Variants in KMT2C observed in about 807,000 individuals in gnomAD.
KMT2C encodes the protein histone-lysine N-methyltransferase 2C.
KMT2C carries 88 observed loss-of-function variants against 507.9 expected under a neutral mutation model. That is an observed-to-expected ratio of 0.17 (90% CI 0.15 to 0.21). The LOEUF is 0.21. KMT2C is among the 10% of genes least tolerant of loss of function. KMT2C has a pLI of 1.00. For missense variants in KMT2C, 4,954 were observed against 5,957.8 expected, an observed-to-expected ratio of 0.83 and a Z score of 5.55; for synonymous variants, 2,049 against 2,080.8, an observed-to-expected ratio of 0.98 and a Z score of 0.42.
chr7:152,195,998 GTCA>G lies in KMT2C; in HGVS notation c.4284_4286del (p.Asp1429del). On this transcript the variant is annotated inframe_deletion, in exon 28 of 59. Transcript: ENST00000262189. ...AAACTTCAGAAATATCAGCTAATGG[GTCA>G]TCAGCAGGACCTAAATATAGTAAAT... 6.3e-7 allele frequency: 1 copy of G among 1,587,210 alleles called. No individual in the cohort carries two copies. The highest frequency in any genetic ancestry group is 8.6e-7 in the Non-Finnish European group (1 of 1,159,378).
intron 6 of KMT2C, among the ~76,000 whole-genome samples, chr7:152,299,543 A>G (rs188965765): frequency 6.6e-6 from 1 of 151,862 alleles, no homozygotes; most frequent in African/African-American, 2.4e-5. Context: ...GGTCTCCACT[A>G]TTGGGAGGCT....
chr7:152,203,178 C>T, intron 25 of KMT2C, 114 bp from the exon 26 acceptor site: 1 of 751,508 alleles, frequency 1.3e-6, no homozygotes, highest in Admixed American at 3.4e-5. Flanking sequence ...AACAAACAAG[C>T]TTTTTGAACA....
intron 6 of KMT2C, among the ~76,000 whole-genome samples, chr7:152,288,916 G>A (rs865987861): frequency 2.6e-5 from 4 of 152,286 alleles, no homozygotes; most frequent in South Asian, 2.1e-4. Context: ...TGACAACAAA[G>A]AATTCTATAT....
chr7:152,295,748 CTTCT>C (rs1489654576), intron 6 of KMT2C, among the ~76,000 whole-genome samples: 1 of 152,136 alleles, frequency 6.6e-6, no homozygotes, highest in Non-Finnish European at 1.5e-5. Flanking sequence ...GCTGTCTCAA[CTTCT>C]TTATCAGTTA....
chr7:152,262,300 A>G (rs2095794187), intron 9 of KMT2C, among the ~76,000 whole-genome samples: 1 of 152,172 alleles, frequency 6.6e-6, no homozygotes. Context: ...AGCTCCAGGA[A>G]AAACCCGCTC....
At chr7:152,324,737 T>A (rs532132198) in intron 3 of KMT2C, among the ~76,000 whole-genome samples, 1 of 152,146 alleles carries the variant, frequency 6.6e-6, no homozygotes, top group South Asian at 2.1e-4. Context: ...TGTCTTAAAC[T>A]AGCTGTTCCA....
At chr7:152,329,941 C>T (rs1345555389) in intron 3 of KMT2C, among the ~76,000 whole-genome samples, 1 of 151,742 alleles carries the variant, frequency 6.6e-6, no homozygotes, top group African/African-American at 2.4e-5. Context: ...ATCAGGAGAT[C>T]GAGACCATCC....
At chr7:152,191,517 T>C (rs1401482951) in intron 31 of KMT2C, among the ~76,000 whole-genome samples, 1 of 152,240 alleles carries the variant, frequency 6.6e-6, no homozygotes, top group Non-Finnish European at 1.5e-5. Flanking sequence ...AACCTACTTT[T>C]TAACTTAGTC....
At chr7:152,324,947 C>A (rs1220738129) in intron 3 of KMT2C, among the ~76,000 whole-genome samples, 1 of 151,922 alleles carries the variant, frequency 6.6e-6, no homozygotes, top group Non-Finnish European at 1.5e-5. Context: ...ATGTTTATTG[C>A]AAGTAATCAA....
Position 152,199,306 on chromosome 7 carries a change from A to C in KMT2C, c.4246T>G (p.Ser1416Ala), listed in dbSNP as rs2094061247. Reference protein sequence around the residue: ...PSLDPLLSSSSAPTKSGTHGP... With the variant: ...PSLDPLLSSSAAPTKSGTHGP... ...TGAGTTCCAGATTTTGTTGGAGCCG[A>C]GGATGAACTAAGTAGTGGATCTAAG... The change falls in exon 27 of 59, where the codon TCG becomes GCG. Residue 1416 changes from serine (S) to alanine (A), a missense_variant. By Grantham distance (99) the Ser-to-Ala change is moderately conservative (BLOSUM62 1). Transcript: ENST00000262189. 3.1e-6 allele frequency: 5 copies of C among 1,598,056 alleles called. No homozygotes were observed.
rs376143446 is a variant in KMT2C, at chr7:152,227,761, C to T, written c.2976+2162G>A. Among the ~76,000 whole-genome samples, 55 of 152,276 alleles carry T rather than the reference C, an allele frequency of 3.6e-4. 1 individual carries two copies. The South Asian group carries it at 0.01, about 29-fold the overall frequency. On this transcript the variant is annotated intron_variant, in intron 18 of 58. Coordinates refer to ENST00000262189, the MANE Select transcript of KMT2C (RefSeq NM_170606.3). ...TGAAGTCTTTGGTGGAACACCAAGCCGTACTTCTAGAAGCCCAAAGACCCA... is the reference window on the plus strand; with the variant it reads ...TGAAGTCTTTGGTGGAACACCAAGCTGTACTTCTAGAAGCCCAAAGACCCA...
At chr7:152,200,228 C>T (rs2094091788) in intron 26 of KMT2C, among the ~76,000 whole-genome samples, 2 of 152,034 alleles carry the variant, frequency 1.3e-5, no homozygotes, top group Admixed American at 1.3e-4. Context: ...CAAACATGCA[C>T]AAAAAAGTTC....
intron 33 of KMT2C, among the ~76,000 whole-genome samples, chr7:152,186,106 T>C (rs1371822156): frequency 6.6e-6 from 1 of 152,202 alleles, no homozygotes; most frequent in Admixed American, 6.5e-5. Flanking sequence ...AAACTCAGTG[T>C]CATGACGGTA....
Position 152,248,636 on chromosome 7 carries a change from C to CA in KMT2C, c.1814-17dup, listed in dbSNP as rs777264659. ...TGGGATGATACTACAAAATTCAGAACATTTGTTATGGCAATGTACAAACAA... is the reference window on the plus strand; with the variant it reads ...TGGGATGATACTACAAAATTCAGAACAATTTGTTATGGCAATGTACAAACAA... On this transcript the variant is annotated splice_polypyrimidine_tract_variant and intron_variant, in intron 13 of 58. Coordinates refer to ENST00000262189, the MANE Select transcript of KMT2C (RefSeq NM_170606.3). 1.2e-5 allele frequency: 18 copies of CA among 1,534,056 alleles called. No homozygotes were observed. Among genetic ancestry groups the CA allele is most frequent in the Non-Finnish European group, 1.6e-5 (18 of 1,118,780 alleles).
intron 6 of KMT2C, among the ~76,000 whole-genome samples, chr7:152,298,748 T>A (rs1293811007): frequency 3.9e-5 from 6 of 152,222 alleles, no homozygotes; most frequent in Non-Finnish European, 8.8e-5. Flanking sequence ...TTTTAAATTT[T>A]TTATTATTTA....
intron 14 of KMT2C, among the ~76,000 whole-genome samples, chr7:152,246,406 T>C (rs2095474216): frequency 6.6e-6 from 1 of 152,028 alleles, no homozygotes. Context: ...AGGACATGGC[T>C]CATATAAGAT....
intron 2 of KMT2C, among the ~76,000 whole-genome samples, chr7:152,333,829 CAT>C (rs911606598): frequency 2.0e-4 from 30 of 151,720 alleles, no homozygotes; most frequent in Admixed American, 5.9e-4. Flanking sequence ...CTTAAAATAA[CAT>C]GTTTCTTTTC....
At chr7:152,413,477 A>G (rs539105721) in intron 1 of KMT2C, among the ~76,000 whole-genome samples, 1 of 152,294 alleles carries the variant, frequency 6.6e-6, no homozygotes, top group South Asian at 2.1e-4. Flanking sequence ...TGTTAAATAC[A>G]TATGTTTAGA....
intron 7 of KMT2C, among the ~76,000 whole-genome samples, chr7:152,272,889 C>G (rs1166494952): frequency 6.6e-6 from 1 of 151,820 alleles, no homozygotes; most frequent in Non-Finnish European, 1.5e-5. Context: ...ATTAACATTG[C>G]TAAGGAACAG....
Sources: allele counts gnomAD v4.1 joint callset (sites outside exome capture counted in the v4.1 genomes callset), GRCh38; gene constraint gnomAD v4.1.1; transcripts MANE v1.5; gene names NCBI Gene and HGNC (gene_info 2026-07-23, HGNC 2026-07-21).